Variants in SIPA1L2 observed in about 807,000 individuals in gnomAD.
SIPA1L2 encodes signal induced proliferation associated 1 like 2.
In SIPA1L2, 56 loss-of-function variants were observed where a neutral mutation model predicts 163.9. The ratio of observed to expected loss-of-function variants is 0.34; its 90% CI spans 0.28 to 0.43. The LOEUF (loss-of-function observed/expected upper bound fraction) is 0.43, where lower values mean the gene tolerates loss of function less well. Ranked by LOEUF, SIPA1L2 falls within the 20% of genes least tolerant of loss-of-function variation. SIPA1L2 has a pLI of 1.00. For missense variants in SIPA1L2, 1,974 were observed against 2,193.5 expected (o/e 0.90, Z 2.00); for synonymous variants, 877 against 865.7 (o/e 1.01, Z -0.23).
At chr1:232,580,355 T>C (rs116003889) in intron 1 of SIPA1L2, among the ~76,000 whole-genome samples, 4,067 of 152,218 alleles carry the variant, frequency 0.027, 169 homozygotes, top group African/African-American at 0.093. Context: ...CCTCAACCTG[T>C]TTTATCAGCA....
chr1:232,584,448 A>G (rs1285367135), intron 1 of SIPA1L2, among the ~76,000 whole-genome samples: 1 of 152,202 alleles, frequency 6.6e-6, no homozygotes, highest in East Asian at 1.9e-4. Flanking sequence ...TGGTCTCGAT[A>G]GAGACCGTGT....
intron 22 of SIPA1L2, among the ~76,000 whole-genome samples, chr1:232,400,914 T>C (rs556391874): frequency 6.6e-6 from 1 of 152,288 alleles, no homozygotes; most frequent in East Asian, 1.9e-4. Flanking sequence ...TCCAGTCTTT[T>C]AAAAATAATT....
Position 232,613,563 on chromosome 1 carries a change from T to C in SIPA1L2, c.-319+16306A>G, listed in dbSNP as rs1003897109. 3.3e-5 allele frequency among the ~76,000 whole-genome samples: 5 copies of C among 152,216 alleles called. No homozygotes were observed. The East Asian group carries it at 7.7e-4, about 23-fold the overall frequency. On this transcript the variant is annotated intron_variant, in intron 1 of 22. Transcript: ENST00000674635. ...GTCTTCCAGCAATTCTGGAAGTTAC[T>C]AGGAATCTAAACACTTAGAAGAATA...
chr1:232,517,521 T>C (rs551350836), intron 2 of SIPA1L2, among the ~76,000 whole-genome samples: 2 of 152,292 alleles, frequency 1.3e-5, no homozygotes, highest in African/African-American at 2.4e-5. Flanking sequence ...AACTATTAAA[T>C]ATTAAAACTA....
intron 1 of SIPA1L2, among the ~76,000 whole-genome samples, chr1:232,586,761 T>C (rs1660677103): frequency 6.6e-6 from 1 of 152,190 alleles, no homozygotes; most frequent in African/African-American, 2.4e-5. Context: ...CTAGTTACAA[T>C]GCGAAACTGC....
intron 12 of SIPA1L2, among the ~76,000 whole-genome samples, chr1:232,442,256 A>G (rs79781573): frequency 0.016 from 1,941 of 124,294 alleles, 38 homozygotes; most frequent in African/African-American, 0.061. Context: ...TTTTCTTAAG[A>G]AAAAAAAAAA....
At position 232,435,950 on chromosome 1, in the gene SIPA1L2, G is replaced by C. The variant is rs777125689; in HGVS notation, c.4031+3158C>G. On this transcript the variant is annotated intron_variant, in intron 15 of 22. Coordinates refer to ENST00000674635, the MANE Select transcript of SIPA1L2 (RefSeq NM_020808.5). ...ACAATTCTGTACTTATTTAACTCCCGGGTGGCTGCCAAGGAATGTGCGTGT... is the reference window on the plus strand; with the variant it reads ...ACAATTCTGTACTTATTTAACTCCCCGGTGGCTGCCAAGGAATGTGCGTGT... 3.9e-5 allele frequency among the ~76,000 whole-genome samples: 6 copies of C among 151,950 alleles called. No individual in the cohort carries two copies. The East Asian group carries it at 1.2e-3, about 29-fold the overall frequency.
At chr1:232,597,432 C>G (rs1226093327) in intron 1 of SIPA1L2, among the ~76,000 whole-genome samples, 1 of 151,398 alleles carries the variant, frequency 6.6e-6, no homozygotes, top group African/African-American at 2.4e-5. Context: ...AATCCCAGCA[C>G]TTTGGGAGGC....
At position 232,491,041 on chromosome 1, in the gene SIPA1L2, T is replaced by C. The variant is rs1466789114; in HGVS notation, c.1639A>G (p.Ile547Val). 6.2e-7 allele frequency: 1 copy of C among 1,613,538 alleles called. No individual in the cohort carries two copies. Among genetic ancestry groups the C allele is most frequent in the East Asian group, 2.2e-5 (1 of 44,866 alleles). ...TSELTTLRGA[I>V]LEDAIPSTAR... is the part of the protein sequence containing the mutation. ...GTAGAGGGTATAGCATCTTCTAAAA[T>C]TGCTCCTCTCAGTGTTGTAAGCTGC... The change falls in exon 5 of 23, where the codon ATT becomes GTT. Residue 547 changes from isoleucine (I) to valine (V), a missense_variant. Physicochemically the swap from Ile to Val is conservative, Grantham distance 29. Around this residue, in one of 3 missense-constraint regions of SIPA1L2, gnomAD observed 288 missense variants for 418.9 expected, o/e 0.69. Transcript: ENST00000674635.
chr1:232,450,927 T>C (rs1379457631), intron 10 of SIPA1L2, among the ~76,000 whole-genome samples: 1 of 152,234 alleles, frequency 6.6e-6, no homozygotes, highest in African/African-American at 2.4e-5. Flanking sequence ...AATTATTTTA[T>C]CTCCAACCTT....
chr1:232,549,409 C>A (rs1658246982), intron 2 of SIPA1L2, among the ~76,000 whole-genome samples: 2 of 152,178 alleles, frequency 1.3e-5, no homozygotes, highest in Non-Finnish European at 2.9e-5. Context: ...GATCTGAAAG[C>A]CAAATCCTCA....
intron 1 of SIPA1L2, among the ~76,000 whole-genome samples, chr1:232,623,185 G>A (rs947591414): frequency 3.3e-5 from 5 of 152,136 alleles, no homozygotes; most frequent in African/African-American, 4.8e-5. Context: ...CTTGCACTAC[G>A]GGTGGCTGTG....
intron 3 of SIPA1L2, among the ~76,000 whole-genome samples, chr1:232,513,610 AAG>A (rs1401965209): frequency 6.6e-6 from 1 of 152,198 alleles, no homozygotes; most frequent in Non-Finnish European, 1.5e-5. Context: ...GAATGACAGA[AAG>A]AGAAACCAAA....
intron 6 of SIPA1L2, among the ~76,000 whole-genome samples, chr1:232,480,427 T>TA (rs1185834323): frequency 6.6e-6 from 1 of 152,176 alleles, no homozygotes; most frequent in Non-Finnish European, 1.5e-5. Flanking sequence ...ACATATATGT[T>TA]AAAAAACTAT....
chr1:232,512,424 T>C (rs1573007410), intron 3 of SIPA1L2, among the ~76,000 whole-genome samples: 1 of 152,168 alleles, frequency 6.6e-6, no homozygotes, highest in East Asian at 1.9e-4. Flanking sequence ...TGCACACATA[T>C]GTTTATTGCA....
intron 7 of SIPA1L2, among the ~76,000 whole-genome samples, chr1:232,477,768 G>C (rs902610557): frequency 1.2e-4 from 18 of 152,180 alleles, no homozygotes; most frequent in South Asian, 4.1e-4. Context: ...TCAATGAAAG[G>C]GGGTGGGAAA....
intron 2 of SIPA1L2, among the ~76,000 whole-genome samples, chr1:232,552,954 G>A (rs1239135339): frequency 2.0e-5 from 3 of 152,116 alleles, no homozygotes; most frequent in Non-Finnish European, 4.4e-5. Context: ...CTAGGGGTGG[G>A]TGCCTGCGAC....
At chr1:232,474,983 C>G (rs183553814) in intron 7 of SIPA1L2, among the ~76,000 whole-genome samples, 2 of 152,070 alleles carry the variant, frequency 1.3e-5, no homozygotes, top group African/African-American at 2.4e-5. Context: ...GCAGGCTGTA[C>G]AACATGAAAG....
At chr1:232,470,071 A>G (rs997560072) in intron 8 of SIPA1L2, among the ~76,000 whole-genome samples, 2 of 152,134 alleles carry the variant, frequency 1.3e-5, no homozygotes, top group African/African-American at 4.8e-5. Flanking sequence ...TCCAATTAGG[A>G]AGGTTCATTT....
Sources: allele counts gnomAD v4.1 joint callset (sites outside exome capture counted in the v4.1 genomes callset), GRCh38; gene constraint gnomAD v4.1.1; regional missense constraint gnomAD v4.1.1; transcripts MANE v1.5; gene names NCBI Gene and HGNC (gene_info 2026-07-23, HGNC 2026-07-21).